SEMA6D: variants seen among roughly 807,000 people sequenced by gnomAD.
SEMA6D encodes the protein semaphorin 6D.
In SEMA6D, 35 loss-of-function variants were observed where a neutral mutation model predicts 106.6. The observed-to-expected ratio is 0.33, with a 90% CI of 0.25 to 0.44. SEMA6D has a LOEUF of 0.44. Among genes scored for constraint, SEMA6D ranks in the 20% least tolerant of loss-of-function variants. The probability of loss-of-function intolerance (pLI) is 1.00; values close to 1 mark genes in which losing one functional copy is unlikely to be tolerated. For synonymous variants in SEMA6D, 499 were observed against 487.7 expected, an observed-to-expected ratio of 1.02 and a Z score of -0.31; for missense variants, 1,185 against 1,345.9, an observed-to-expected ratio of 0.88 and a Z score of 1.87.
At chr15:47,203,941 T>G (rs146293080) in intron 1 of SEMA6D, among the ~76,000 whole-genome samples, 8 of 152,332 alleles carry the variant, frequency 5.3e-5, no homozygotes, top group African/African-American at 1.7e-4. Flanking sequence ...AAAATATCCA[T>G]GGCATAGATA....
intron 3 of SEMA6D, among the ~76,000 whole-genome samples, chr15:47,486,739 G>C (rs1324822067): frequency 1.3e-5 from 2 of 152,188 alleles, no homozygotes; most frequent in East Asian, 3.8e-4. Context: ...TTTTATAGGA[G>C]AGAAGAATTT....
intron 4 of SEMA6D, among the ~76,000 whole-genome samples, chr15:47,653,763 G>A (rs1218888825): frequency 3.9e-5 from 6 of 152,238 alleles, no homozygotes; most frequent in African/African-American, 4.8e-5. Flanking sequence ...CTTGTATGCC[G>A]CATAGTAAAC....
At chr15:47,567,789 G>T (rs2142836407) in intron 3 of SEMA6D, among the ~76,000 whole-genome samples, 1 of 152,272 alleles carries the variant, frequency 6.6e-6, no homozygotes, top group South Asian at 2.1e-4. Context: ...GTAGGCCTGG[G>T]ATATGGTAGG....
intron 1 of SEMA6D, among the ~76,000 whole-genome samples, chr15:47,248,298 C>T (rs1216125182): frequency 6.6e-6 from 1 of 152,134 alleles, no homozygotes; most frequent in Non-Finnish European, 1.5e-5. Flanking sequence ...TATTATCCAA[C>T]AAAGCATTGT....
At position 47,319,490 on chromosome 15, in the gene SEMA6D, T is replaced by C. The variant is rs570701873; in HGVS notation, c.-238-92903T>C. On this transcript the variant is annotated intron_variant, in intron 1 of 19. Coordinates refer to the SEMA6D transcript ENST00000558014. ...TAGGTCTCAATCTTTAATGAATACA[T>C]TGGTCTCTAGACTGTGAACTGCACA... 2.0e-5 allele frequency among the ~76,000 whole-genome samples: 3 copies of C among 152,234 alleles called. No homozygotes were observed. The South Asian group carries it at 6.2e-4, about 32-fold the overall frequency.
chr15:47,521,236 T>A (rs543384612), intron 3 of SEMA6D, among the ~76,000 whole-genome samples: 1 of 152,276 alleles, frequency 6.6e-6, no homozygotes, highest in South Asian at 2.1e-4. Context: ...AGAGGTGTCA[T>A]AAGTGAGTTG....
chr15:47,334,119 A>G (rs1488349821), intron 1 of SEMA6D, among the ~76,000 whole-genome samples: 1 of 152,172 alleles, frequency 6.6e-6, no homozygotes, highest in Admixed American at 6.5e-5. Context: ...CCATAAAATG[A>G]CGAGAGTACT....
chr15:47,672,248 C>G (rs1346056412), intron 4 of SEMA6D, among the ~76,000 whole-genome samples: 1 of 152,190 alleles, frequency 6.6e-6, no homozygotes, highest in African/African-American at 2.4e-5. Flanking sequence ...TGCTTTCCTG[C>G]TAAGCATTTT....
intron 4 of SEMA6D, among the ~76,000 whole-genome samples, chr15:47,655,598 A>G (rs1470989117): frequency 6.6e-6 from 1 of 152,332 alleles, no homozygotes; most frequent in Non-Finnish European, 1.5e-5. Context: ...AAGATGAATT[A>G]TAAGTTCATT....
At chr15:47,710,293 G>C (rs1219212295) in intron 4 of SEMA6D, among the ~76,000 whole-genome samples, 1 of 152,122 alleles carries the variant, frequency 6.6e-6, no homozygotes, top group African/African-American at 2.4e-5. Context: ...GAGGTTGATG[G>C]CTTACAAATG....
intron 3 of SEMA6D, among the ~76,000 whole-genome samples, chr15:47,593,351 A>G (rs2076474679): frequency 7.5e-6 from 1 of 133,162 alleles, no homozygotes; most frequent in Non-Finnish European, 1.5e-5. Flanking sequence ...CTTGCAGTGG[A>G]GCTGAGATCG....
At chr15:47,712,092 A>T (rs543672856) in intron 4 of SEMA6D, among the ~76,000 whole-genome samples, 13 of 152,236 alleles carry the variant, frequency 8.5e-5, no homozygotes, top group Non-Finnish European at 1.8e-4. Flanking sequence ...GAGCAGTTAT[A>T]TGAATAATAG....
At chr15:47,517,810 A>G (rs1351144694) in intron 3 of SEMA6D, among the ~76,000 whole-genome samples, 1 of 152,188 alleles carries the variant, frequency 6.6e-6, no homozygotes. Flanking sequence ...ACCCTTAACA[A>G]GTAATGAAAG....
chr15:47,186,665 AG>A (rs1893597627), intron 1 of SEMA6D, among the ~76,000 whole-genome samples: 1 of 152,122 alleles, frequency 6.6e-6, no homozygotes, highest in African/African-American at 2.4e-5. Context: ...TGTCCAACTT[AG>A]TACAGGACCA....
chr15:47,755,142 G>A (rs2081643663), intron 1 of SEMA6D, among the ~76,000 whole-genome samples: 1 of 151,914 alleles, frequency 6.6e-6, no homozygotes, highest in South Asian at 2.1e-4. Flanking sequence ...AGTAGAGACA[G>A]GGTTTCACCA....
At chr15:47,225,297 CTACATTCTCACCAGCATT>C (rs1349220659) in intron 1 of SEMA6D, among the ~76,000 whole-genome samples, 1 of 151,950 alleles carries the variant, frequency 6.6e-6, no homozygotes, top group Non-Finnish European at 1.5e-5. Flanking sequence ...TCCTGTTGCT[CTACATTCTCACCAGCATT>C]TGGTGGTGTC....
intron 3 of SEMA6D, among the ~76,000 whole-genome samples, chr15:47,496,782 G>A (rs2043676806): frequency 6.6e-6 from 1 of 151,900 alleles, no homozygotes; most frequent in Non-Finnish European, 1.5e-5. Context: ...ATGATTCAAG[G>A]ATGTCTCACC....
At chr15:47,586,110 A>C (rs1351158972) in intron 3 of SEMA6D, among the ~76,000 whole-genome samples, 1 of 152,050 alleles carries the variant, frequency 6.6e-6, no homozygotes, top group Non-Finnish European at 1.5e-5. Context: ...ACAATTAAAT[A>C]ATAAGAGACA....
At chr15:47,746,208 A>G (rs2081123338) in intron 1 of SEMA6D, among the ~76,000 whole-genome samples, 1 of 152,182 alleles carries the variant, frequency 6.6e-6, no homozygotes, top group Admixed American at 6.5e-5. Flanking sequence ...CCTTCTGTAA[A>G]CTCATCACCA....
Sources: gnomAD v4.1 joint callset for allele counts (sites outside exome capture counted in the v4.1 genomes callset) on GRCh38, gnomAD v4.1.1 for gene constraint, MANE v1.5 for transcripts, NCBI Gene and HGNC (gene_info 2026-07-23, HGNC 2026-07-21) for gene names.